Variants in MIER1 observed in about 807,000 individuals in gnomAD.
MIER1 encodes MIER1 transcriptional regulator.
Under a neutral mutation model 75.7 loss-of-function variants are expected in MIER1, and 40 were observed. The observed-to-expected ratio is 0.53, with a 90% CI of 0.41 to 0.69. The LOEUF (loss-of-function observed/expected upper bound fraction) is 0.69. Among genes scored for constraint, MIER1 ranks in the 30% least tolerant of loss-of-function variants. The pLI, the probability that MIER1 is intolerant of heterozygous loss-of-function variation, is 0.00. For synonymous variants in MIER1, 213 were observed against 223.4 expected (o/e 0.95, Z 0.42); for missense variants, 574 against 680.2 (o/e 0.84, Z 1.74).
At chr1:66,934,607 T>C (rs1654314950) in intron 2 of MIER1, among the ~76,000 whole-genome samples, 1 of 148,440 alleles carries the variant, frequency 6.7e-6, no homozygotes, top group Non-Finnish European at 1.5e-5. Flanking sequence ...GGTCTCGATA[T>C]GTTGATCAGA....
rs374529842 is a variant in MIER1 at position 66,926,213 on chromosome 1, T to C, written c.139T>C (p.Phe47Leu). 4.2e-5 allele frequency: 67 copies of C among 1,613,644 alleles called. No homozygotes were observed. Among genetic ancestry groups the C allele is most frequent in the Non-Finnish European group, 5.6e-5 (66 of 1,179,792 alleles). Residue 47 changes from phenylalanine to leucine, a missense_variant, in exon 2 of 14, where the codon TTC (phenylalanine) becomes CTC (leucine). This residue lies in a region of MIER1 where 309 missense variants were observed against 352.8 expected (regional missense o/e 0.88). Transcript: ENST00000401041. The stretch of plus-strand genomic sequence containing the variant: ...GTGGTTAAGAACCAACTGGTTGAGG[T>C]TCAATGCAGACAAGACGGATGTGAT... ...RTWLRTNWLRFNADKTDVMLP... is the reference protein window; with the variant it reads ...RTWLRTNWLRLNADKTDVMLP...
intron 3 of MIER1, among the ~76,000 whole-genome samples, 191 bp from the exon 4 acceptor site, chr1:66,945,957 CTT>C (rs1467591368): frequency 1.3e-5 from 2 of 152,196 alleles, no homozygotes; most frequent in African/African-American, 4.8e-5. Context: ...ATTATAAACA[CTT>C]TTAAAGCTAT....
intron 4 of MIER1, 155 bp downstream of exon 4, chr1:66,946,450 G>A: frequency 3.0e-6 from 4 of 1,349,826 alleles, no homozygotes; most frequent in Non-Finnish European, 3.8e-6. Context: ...TTTAAAGTTT[G>A]AAATGAAAGG....
At position 66,984,632 on chromosome 1, in the gene MIER1, T is replaced by C. The variant is rs773350730; in HGVS notation, c.1430T>C (p.Leu477Ser). The C allele has an allele frequency of 5.6e-6, 9 of 1,613,438 alleles. No individual in the cohort carries two copies. Among genetic ancestry groups the C allele is most frequent in the Non-Finnish European group, 7.6e-6 (9 of 1,179,702 alleles). The change falls in exon 14 of 14, where the codon TTA becomes TCA. Residue 477 changes from leucine to serine, a missense_variant. Physicochemically the swap from Leu to Ser is moderately radical, Grantham distance 145. Coordinates refer to ENST00000401041, the MANE Select transcript of MIER1 (RefSeq NM_001077700.3). ...AAAGAGGAAGTAAAAGTTGAAGGGT[T>C]ACACATTAATGGACCAACAGGTGGA... Reference protein sequence around the residue: ...LNKEEVKVEGLHINGPTGGNK... With the variant: ...LNKEEVKVEGSHINGPTGGNK...
chr1:66,930,295 G>A, intron 2 of MIER1: 1 of 1,558,618 alleles, frequency 6.4e-7, no homozygotes, highest in Non-Finnish European at 8.7e-7. Flanking sequence ...GGCAGAGACG[G>A]CAGCGGCCGG....
intron 2 of MIER1, among the ~76,000 whole-genome samples, chr1:66,935,401 C>G (rs1178452558): frequency 1.3e-5 from 2 of 152,148 alleles, no homozygotes; most frequent in African/African-American, 4.8e-5. Context: ...TACAGTCTTT[C>G]TGTCTCTCTA....
chr1:66,926,031 C>A, intron 1 of MIER1, 111 bp from the exon 2 acceptor site: 2 of 759,450 alleles, frequency 2.6e-6, no homozygotes, highest in Non-Finnish European at 4.5e-6. Context: ...GTCATGGGAT[C>A]CTTGTCCTGA....
chr1:66,928,145 G>A (rs12132229), intron 2 of MIER1, among the ~76,000 whole-genome samples: 24,235 of 151,982 alleles, frequency 0.16, 2,266 homozygotes, highest in Non-Finnish European at 0.22. Context: ...GGGGAAAAAT[G>A]TAGAGAGTTT....
chr1:66,957,776 T>C (rs1355929413), intron 4 of MIER1, among the ~76,000 whole-genome samples: 1 of 152,042 alleles, frequency 6.6e-6, no homozygotes, highest in Non-Finnish European at 1.5e-5. Flanking sequence ...ACTGAATTGA[T>C]TGCAAAAAGA....
intron 2 of MIER1, among the ~76,000 whole-genome samples, chr1:66,932,115 TTA>T (rs1305962598): frequency 6.6e-6 from 1 of 152,186 alleles, no homozygotes; most frequent in Non-Finnish European, 1.5e-5. Flanking sequence ...GTAAAAGAAA[TTA>T]TGTTAACTTT....
intron 3 of MIER1, among the ~76,000 whole-genome samples, chr1:66,944,418 C>A (rs558143042): frequency 7.0e-4 from 106 of 150,482 alleles, no homozygotes; most frequent in African/African-American, 2.3e-3. Context: ...TTTACATAGT[C>A]TGTAAAATAT....
chr1:66,941,598 A>G (rs1656229637), intron 3 of MIER1, among the ~76,000 whole-genome samples: 1 of 152,200 alleles, frequency 6.6e-6, no homozygotes, highest in Admixed American at 6.5e-5. Flanking sequence ...TCAGAAAGCG[A>G]TATTAGTAAG....
chr1:66,970,824 T>G lies in MIER1; in HGVS notation c.789T>G (p.Asp263Glu). Residue 263 changes from aspartate to glutamate, a missense_variant, in exon 9 of 14, where the codon GAT (aspartate) becomes GAG (glutamate). By Grantham distance (45) the Asp-to-Glu change is conservative. Around this residue, in one of 3 missense-constraint regions of MIER1, gnomAD observed 309 missense variants for 352.8 expected, o/e 0.88. Transcript: ENST00000401041. ...CTAATTTAGTATATGAAAATGATGATCAGCTCCTGTGGGACCCTGAGTACT... is the reference window on the plus strand; with the variant it reads ...CTAATTTAGTATATGAAAATGATGAGCAGCTCCTGTGGGACCCTGAGTACT... ...KENEKVYEND[D>E]QLLWDPEYLP... is the part of the protein sequence containing the mutation. 1 of 1,559,856 alleles carries G rather than the reference T, an allele frequency of 6.4e-7. No individual in the cohort carries two copies. Among genetic ancestry groups the G allele is most frequent in the Non-Finnish European group, 8.6e-7 (1 of 1,161,954 alleles).
intron 2 of MIER1, among the ~76,000 whole-genome samples, chr1:66,938,736 G>A (rs1465438905): frequency 2.0e-5 from 3 of 152,082 alleles, no homozygotes; most frequent in African/African-American, 7.2e-5. Flanking sequence ...TAAAATAATG[G>A]TAGTGGTGTA....
chr1:66,944,118 T>C (rs867400034), intron 3 of MIER1, among the ~76,000 whole-genome samples: 2 of 152,084 alleles, frequency 1.3e-5, no homozygotes, highest in Non-Finnish European at 2.9e-5. Flanking sequence ...CTCAAAAAAA[T>C]GATTCTTTTG....
Position 66,976,483 on chromosome 1 carries a change from G to A in MIER1, c.1102-112G>A, listed in dbSNP as rs1018998278. 7.8e-6 allele frequency: 7 copies of A among 895,874 alleles called. No individual in the cohort carries two copies. In the African/African-American group the frequency reaches 1.2e-4, roughly 15 times the overall value. 55.5% of individuals were successfully genotyped at this position (895,874 alleles called of 1,614,324 possible). A position where few individuals can be genotyped will look rare whatever the true frequency, so the allele number is the denominator to read the frequency against. On this transcript the variant is annotated intron_variant, in intron 11 of 13. Transcript: ENST00000401041. ...CTACACTGTTGTATGTTATATATAGGATTATATTTCAGTTAAGGACTAGCC... is the reference window on the plus strand; with the variant it reads ...CTACACTGTTGTATGTTATATATAGAATTATATTTCAGTTAAGGACTAGCC...
intron 10 of MIER1, 100 bp from the exon 11 acceptor site, chr1:66,972,797 C>A: frequency 1.6e-6 from 1 of 628,990 alleles, no homozygotes; most frequent in Non-Finnish European, 2.8e-6. Flanking sequence ...TAAAATGCTT[C>A]CCTCATTTTT....
intron 11 of MIER1, 133 bp from the exon 12 acceptor site, chr1:66,976,462 A>G (rs1664750239): frequency 4.7e-6 from 3 of 638,686 alleles, no homozygotes; most frequent in Non-Finnish European, 7.5e-6. Context: ...TAGCTGCTAC[A>G]CTGTTGTATG....
intron 4 of MIER1, among the ~76,000 whole-genome samples, chr1:66,954,964 C>T (rs1484261881): frequency 1.3e-5 from 2 of 152,266 alleles, no homozygotes; most frequent in East Asian, 3.9e-4. Flanking sequence ...CAGCCTCAGC[C>T]TCCCAAAGTG....
Sources: allele counts gnomAD v4.1 joint callset (sites outside exome capture counted in the v4.1 genomes callset), GRCh38; gene constraint gnomAD v4.1.1; regional missense constraint gnomAD v4.1.1; transcripts MANE v1.5; gene names NCBI Gene and HGNC (gene_info 2026-07-23, HGNC 2026-07-21).